The following CSMD1 variants were observed in gnomAD, a reference collection of about 807,000 sequenced individuals.
CSMD1 encodes the protein CUB and sushi domain-containing protein 1.
Under a neutral mutation model 417.5 loss-of-function variants are expected in CSMD1, and 213 were observed. The observed-to-expected ratio is 0.51, with a 90% CI of 0.46 to 0.57. The LOEUF is 0.57. CSMD1 is among the 20% of genes least tolerant of loss of function. CSMD1 has a pLI of 0.00. For missense variants in CSMD1, 6,923 were observed against 4,529.7 expected (o/e 1.53, Z -15.17); for synonymous variants, 2,862 against 1,736.8 (o/e 1.65, Z -16.11).
intron 4 of CSMD1, among the ~76,000 whole-genome samples, chr8:4,011,023 C>T (rs1158060704): frequency 2.0e-5 from 3 of 152,198 alleles, no homozygotes; most frequent in Non-Finnish European, 4.4e-5. Context: ...ATGCCTTCTT[C>T]CTTCTAAAGC....
intron 2 of CSMD1, among the ~76,000 whole-genome samples, chr8:4,525,440 G>A (rs1772751291): frequency 6.6e-6 from 1 of 152,100 alleles, no homozygotes; most frequent in Admixed American, 6.5e-5. Context: ...CTTTAACCAT[G>A]AGCTGTAACA....
At chr8:3,999,607 G>A (rs1431881162) in intron 4 of CSMD1, among the ~76,000 whole-genome samples, 6 of 152,118 alleles carry the variant, frequency 3.9e-5, no homozygotes, top group African/African-American at 1.2e-4. Flanking sequence ...GACAGCACAC[G>A]GTTTTTGTTC....
chr8:4,565,213 G>A (rs975785419), intron 2 of CSMD1, among the ~76,000 whole-genome samples: 7 of 152,244 alleles, frequency 4.6e-5, no homozygotes, highest in African/African-American at 1.7e-4. Flanking sequence ...TATGTTCTAT[G>A]TAATAACTTC....
At chr8:4,433,783 G>A (rs1366041965) in intron 2 of CSMD1, among the ~76,000 whole-genome samples, 4 of 151,966 alleles carry the variant, frequency 2.6e-5, no homozygotes. Flanking sequence ...TTTAAAATTT[G>A]TGTCTATTTA....
At chr8:3,139,229 A>G (rs749092211) in intron 41 of CSMD1, among the ~76,000 whole-genome samples, 1 of 152,218 alleles carries the variant, frequency 6.6e-6, no homozygotes, top group Non-Finnish European at 1.5e-5. Context: ...ATCAGCTGTG[A>G]ATGGCCATCA....
intron 10 of CSMD1, among the ~76,000 whole-genome samples, chr8:3,542,790 G>A (rs188823979): frequency 2.8e-4 from 42 of 152,210 alleles, no homozygotes; most frequent in African/African-American, 1.0e-3. Context: ...CCCCAGGACA[G>A]GATATCCTTC....
intron 3 of CSMD1, among the ~76,000 whole-genome samples, chr8:4,096,424 G>A (rs1801014528): frequency 6.6e-6 from 1 of 152,028 alleles, no homozygotes; most frequent in South Asian, 2.1e-4. Flanking sequence ...AAAACAGGAA[G>A]GAAAAATGCA....
At chr8:4,601,600 T>G (rs1264268505) in intron 2 of CSMD1, among the ~76,000 whole-genome samples, 2 of 152,202 alleles carry the variant, frequency 1.3e-5, no homozygotes, top group African/African-American at 2.4e-5. Flanking sequence ...TTCAGTACTT[T>G]CCTGCCAGCC....
At chr8:4,043,672 A>G (rs1057059798) in intron 3 of CSMD1, among the ~76,000 whole-genome samples, 1 of 152,192 alleles carries the variant, frequency 6.6e-6, no homozygotes, top group Non-Finnish European at 1.5e-5. Flanking sequence ...GGGTGAAACC[A>G]TACATTTATT....
intron 10 of CSMD1, among the ~76,000 whole-genome samples, chr8:3,536,128 G>A (rs7813765): frequency 2.0e-5 from 3 of 152,150 alleles, no homozygotes; most frequent in Admixed American, 2.0e-4. Flanking sequence ...ATACCAAGCT[G>A]TGATATCCGG....
At chr8:4,945,016 G>T (rs962410395) in intron 1 of CSMD1, among the ~76,000 whole-genome samples, 3 of 152,164 alleles carry the variant, frequency 2.0e-5, no homozygotes, top group Admixed American at 1.3e-4. Flanking sequence ...TCCCTTGGCA[G>T]ATGAATGGAT....
chr8:3,676,042 G>C (rs1799358074), intron 7 of CSMD1, among the ~76,000 whole-genome samples: 1 of 152,134 alleles, frequency 6.6e-6, no homozygotes, highest in Non-Finnish European at 1.5e-5. Flanking sequence ...GACAAATATA[G>C]GCATAGGAAG....
intron 7 of CSMD1, among the ~76,000 whole-genome samples, chr8:3,633,000 GAT>G (rs948916733): frequency 3.3e-5 from 5 of 152,234 alleles, no homozygotes; most frequent in African/African-American, 1.2e-4. Context: ...GCACCTGAGA[GAT>G]ATGTTTCCTC....
intron 2 of CSMD1, among the ~76,000 whole-genome samples, chr8:4,630,462 A>G (rs1167705231): frequency 6.6e-6 from 1 of 151,468 alleles, no homozygotes; most frequent in African/African-American, 2.5e-5. Flanking sequence ...CAAAAACAAA[A>G]CAAAACAAAA....
chr8:3,869,126 G>A lies in CSMD1; in HGVS notation c.819-115084C>T, dbSNP rs564448986. On this transcript the variant is annotated intron_variant, in intron 5 of 69. Transcript: ENST00000635120. ...CACTCTCCTTGTTCACAAGCCAAGA[G>A]CTCCAGCTCCACCTGTCTCCACACC... Among the ~76,000 whole-genome samples, 57 of 152,246 alleles carry A rather than the reference G, an allele frequency of 3.7e-4. No individual in the cohort carries two copies. The South Asian group carries it at 0.011, about 29-fold the overall frequency.
chr8:3,988,082 T>G (rs1293946362), intron 5 of CSMD1, among the ~76,000 whole-genome samples: 1 of 152,220 alleles, frequency 6.6e-6, no homozygotes, highest in African/African-American at 2.4e-5. Context: ...GGGAAGCTGT[T>G]GAAATATTGT....
chr8:3,685,586 G>A (rs925669175), intron 7 of CSMD1, among the ~76,000 whole-genome samples: 1 of 152,124 alleles, frequency 6.6e-6, no homozygotes, highest in Non-Finnish European at 1.5e-5. Flanking sequence ...GAAGCATCTG[G>A]CATCTCATTG....
At chr8:4,841,412 C>A (rs747873177) in intron 1 of CSMD1, among the ~76,000 whole-genome samples, 1 of 152,060 alleles carries the variant, frequency 6.6e-6, no homozygotes, top group Non-Finnish European at 1.5e-5. Flanking sequence ...CCTTTTTATT[C>A]TAAAAATATA....
intron 5 of CSMD1, among the ~76,000 whole-genome samples, chr8:3,811,297 T>G (rs1801060910): frequency 6.6e-6 from 1 of 152,216 alleles, no homozygotes; most frequent in South Asian, 2.1e-4. Flanking sequence ...CACGGAAAAC[T>G]GCTAACCTGC....
Sources: gnomAD v4.1 joint callset for allele counts (sites outside exome capture counted in the v4.1 genomes callset) on GRCh38, gnomAD v4.1.1 for gene constraint, MANE v1.5 for transcripts, NCBI Gene and HGNC (gene_info 2026-07-23, HGNC 2026-07-21) for gene names.